The following ADGRL2 variants were observed in gnomAD, a reference collection of about 807,000 sequenced individuals.
ADGRL2 encodes calcium-independent alpha-latrotoxin receptor 2.
ADGRL2 carries 44 observed loss-of-function variants against 157.4 expected under a neutral mutation model. The ratio of observed to expected loss-of-function variants is 0.28; its 90% CI spans 0.22 to 0.36. ADGRL2 has a LOEUF of 0.36. Ranked by LOEUF, ADGRL2 falls within the 10% of genes least tolerant of loss-of-function variation. ADGRL2 has a pLI of 1.00. For synonymous variants in ADGRL2, 585 were observed against 624.7 expected (o/e 0.94, Z 0.95); for missense variants, 1,510 against 1,768.9 (o/e 0.85, Z 2.63).
chr1:81,508,748 G>A (rs533624955), intron 2 of ADGRL2, among the ~76,000 whole-genome samples: 2 of 152,166 alleles, frequency 1.3e-5, no homozygotes, highest in African/African-American at 2.4e-5. Flanking sequence ...AATCACACAC[G>A]AGGGTACCGC....
At chr1:81,520,877 T>C (rs573056457) in intron 2 of ADGRL2, among the ~76,000 whole-genome samples, 7 of 152,284 alleles carry the variant, frequency 4.6e-5, no homozygotes, top group African/African-American at 1.4e-4. Context: ...ACCCAGGCTT[T>C]TCTGGCTTTT....
At chr1:81,985,451 C>A in intron 21 of ADGRL2, 96 bp downstream of exon 21, 1 of 634,954 alleles carries the variant, frequency 1.6e-6, no homozygotes, top group Non-Finnish European at 2.7e-6. Flanking sequence ...TAATTTTAAA[C>A]TGCATTAACA....
chr1:81,903,098 A>T (rs2094518546), intron 2 of ADGRL2, among the ~76,000 whole-genome samples: 1 of 152,222 alleles, frequency 6.6e-6, no homozygotes, highest in Admixed American at 6.5e-5. Flanking sequence ...AATGGCTTTA[A>T]TTCTTCAGAA....
chr1:81,590,239 T>C lies in ADGRL2; in HGVS notation c.-143+9259T>C, dbSNP rs562836855. Among the ~76,000 whole-genome samples the C allele has an allele frequency of 1.2e-4, 19 of 152,254 alleles. No individual in the cohort carries two copies. The South Asian group carries it at 3.9e-3, about 32-fold the overall frequency. ...TCAGGTATGAAGACAAGGCAAGAAA[T>C]TATGACTTTCCATTGAGACATCCGA... On this transcript the variant is annotated intron_variant, in intron 3 of 24. Coordinates refer to the ADGRL2 transcript ENST00000370721.
chr1:81,822,577 G>A (rs1196602150), intron 1 of ADGRL2, among the ~76,000 whole-genome samples: 1 of 151,926 alleles, frequency 6.6e-6, no homozygotes, highest in Admixed American at 6.6e-5. Context: ...CAGTGGTACA[G>A]TCATAGCTCA....
Position 81,864,872 on chromosome 1 carries a change from G to C in ADGRL2, c.73+27815G>C, listed in dbSNP as rs2093491415. Among the ~76,000 whole-genome samples the C allele has an allele frequency of 2.6e-5, 4 of 152,136 alleles. No individual in the cohort carries two copies. In the South Asian group the frequency reaches 6.2e-4, roughly 24 times the overall value. ...GTTGTGGTGGGTGCCTGTAATCCCA[G>C]CTACTTGGGAGGCTGAGGCAGGAGA... On this transcript the variant is annotated intron_variant, in intron 2 of 23. Coordinates refer to ENST00000686636, the MANE Select transcript of ADGRL2 (RefSeq NM_001366006.2).
intron 1 of ADGRL2, among the ~76,000 whole-genome samples, chr1:81,818,858 A>G (rs1470757031): frequency 6.6e-6 from 1 of 152,168 alleles, no homozygotes; most frequent in African/African-American, 2.4e-5. Flanking sequence ...TTTATTTAGA[A>G]CTGAAGGCAG....
At chr1:81,776,733 G>A (rs949299594) in intron 2 of ADGRL2, among the ~76,000 whole-genome samples, 5 of 152,124 alleles carry the variant, frequency 3.3e-5, no homozygotes, top group Non-Finnish European at 5.9e-5. Context: ...CTGCTGGTGG[G>A]AGAAATCTTC....
At chr1:81,400,876 C>G (rs979422784) in intron 1 of ADGRL2, among the ~76,000 whole-genome samples, 1 of 152,158 alleles carries the variant, frequency 6.6e-6, no homozygotes, top group Admixed American at 6.5e-5. Context: ...GATGTCTTAG[C>G]TCAGCCAGGG....
intron 3 of ADGRL2, among the ~76,000 whole-genome samples, chr1:81,934,488 T>C (rs2095280378): frequency 6.6e-6 from 1 of 151,538 alleles, no homozygotes; most frequent in Admixed American, 6.6e-5. Flanking sequence ...TGAAAAATTA[T>C]ATATATATAT....
intron 2 of ADGRL2, among the ~76,000 whole-genome samples, chr1:81,447,776 ATGG>A (rs1054027333): frequency 1.3e-4 from 20 of 152,098 alleles, no homozygotes; most frequent in Non-Finnish European, 1.9e-4. Flanking sequence ...TGCCTCTCAT[ATGG>A]TTTGTATCTG....
At chr1:81,929,845 A>G (rs1386534202) in intron 3 of ADGRL2, among the ~76,000 whole-genome samples, 2 of 152,118 alleles carry the variant, frequency 1.3e-5, no homozygotes, top group East Asian at 1.9e-4. Context: ...GTGGTAATTT[A>G]TATTTCTTGA....
At chr1:81,369,659 C>T (rs151211631) in intron 1 of ADGRL2, among the ~76,000 whole-genome samples, 2 of 151,606 alleles carry the variant, frequency 1.3e-5, no homozygotes, top group East Asian at 3.9e-4. Flanking sequence ...TTTTCATGTG[C>T]AAAAGAAAGC....
intron 2 of ADGRL2, among the ~76,000 whole-genome samples, chr1:81,851,381 G>A (rs1049464805): frequency 4.0e-5 from 6 of 151,770 alleles, no homozygotes; most frequent in Non-Finnish European, 7.4e-5. Context: ...TAGAGTATAA[G>A]TAATTATGAA....
chr1:81,779,952 G>C (rs565333399), intron 2 of ADGRL2, among the ~76,000 whole-genome samples: 1 of 152,184 alleles, frequency 6.6e-6, no homozygotes, highest in Non-Finnish European at 1.5e-5. Flanking sequence ...GATACTTGGA[G>C]ACTTAAATCC....
At chr1:81,435,849 C>A (rs772355429) in intron 1 of ADGRL2, among the ~76,000 whole-genome samples, 15 of 152,186 alleles carry the variant, frequency 9.9e-5, no homozygotes, top group Non-Finnish European at 1.6e-4. Context: ...GTAATCCCAG[C>A]ACTTTGGGAG....
intron 2 of ADGRL2, among the ~76,000 whole-genome samples, chr1:81,493,322 G>A (rs1470732657): frequency 6.6e-6 from 1 of 152,174 alleles, no homozygotes; most frequent in Non-Finnish European, 1.5e-5. Context: ...AGCCAAACTT[G>A]TAGGGAAAGC....
chr1:81,788,749 T>A (rs1293645094), intron 2 of ADGRL2, among the ~76,000 whole-genome samples: 1 of 152,060 alleles, frequency 6.6e-6, no homozygotes, highest in Non-Finnish European at 1.5e-5. Context: ...GGAGTCTTAC[T>A]CTGTCACCCA....
At chr1:81,780,938 A>C (rs895870220) in intron 2 of ADGRL2, among the ~76,000 whole-genome samples, 2 of 152,170 alleles carry the variant, frequency 1.3e-5, no homozygotes, top group African/African-American at 2.4e-5. Flanking sequence ...GATGCATGAC[A>C]ATACATCCTC....
Sources: gnomAD v4.1 joint callset for allele counts (sites outside exome capture counted in the v4.1 genomes callset) on GRCh38, gnomAD v4.1.1 for gene constraint, MANE v1.5 for transcripts, NCBI Gene and HGNC (gene_info 2026-07-23, HGNC 2026-07-21) for gene names.